Variants in PLXNA4 observed in about 807,000 individuals in gnomAD.
PLXNA4 encodes the protein plexin A4.
In PLXNA4, 44 loss-of-function variants were observed where a neutral mutation model predicts 191.8. That is an observed-to-expected ratio of 0.23 (90% CI 0.18 to 0.29). The LOEUF (loss-of-function observed/expected upper bound fraction) is 0.29. Ranked by LOEUF, PLXNA4 falls within the 10% of genes least tolerant of loss-of-function variation. The pLI is 1.00. For missense variants in PLXNA4, 1,800 were observed against 2,488.8 expected (o/e 0.72, Z 5.89); for synonymous variants, 1,082 against 1,009.5 (o/e 1.07, Z -1.36).
intron 3 of PLXNA4, among the ~76,000 whole-genome samples, chr7:132,386,215 C>T (rs909330459): frequency 2.6e-5 from 4 of 152,276 alleles, no homozygotes; most frequent in East Asian, 1.9e-4. Flanking sequence ...ATCCTGCCAG[C>T]CCTGTGTCCC....
chr7:132,552,273 C>T (rs1800596752), intron 1 of PLXNA4, among the ~76,000 whole-genome samples: 1 of 152,160 alleles, frequency 6.6e-6, no homozygotes, highest in East Asian at 1.9e-4. Flanking sequence ...GCCCTGACTC[C>T]TAGACCTTGT....
At chr7:132,297,041 G>A (rs973151614) in intron 4 of PLXNA4, among the ~76,000 whole-genome samples, 2 of 152,070 alleles carry the variant, frequency 1.3e-5, no homozygotes, top group Admixed American at 6.6e-5. Context: ...AAGGCATAAT[G>A]CACAAGCCCC....
intron 4 of PLXNA4, among the ~76,000 whole-genome samples, chr7:132,262,940 G>T (rs921076013): frequency 1.3e-5 from 2 of 152,152 alleles, no homozygotes; most frequent in African/African-American, 4.8e-5. Context: ...CTGGGGGCGG[G>T]AAGCCACAAA....
At chr7:132,641,151 ATGTAAC>A in intron 2 of PLXNA4, among the ~76,000 whole-genome samples, 1 of 152,240 alleles carries the variant, frequency 6.6e-6, no homozygotes, top group East Asian at 1.9e-4. Context: ...TTGCACACTA[ATGTAAC>A]TGTAACATAG....
chr7:132,514,057 T>C (rs1405093705), intron 1 of PLXNA4, among the ~76,000 whole-genome samples: 2 of 142,784 alleles, frequency 1.4e-5, no homozygotes, highest in Non-Finnish European at 3.1e-5. Context: ...TTGGTGAGAC[T>C]TTTTTTTTTT....
At chr7:132,307,691 C>T (rs1373436279) in intron 3 of PLXNA4, among the ~76,000 whole-genome samples, 1 of 152,194 alleles carries the variant, frequency 6.6e-6, no homozygotes, top group Non-Finnish European at 1.5e-5. Flanking sequence ...TTTGATGCCA[C>T]ATCCGTGCCT....
chr7:132,627,729 A>AT (rs1382937755), intron 2 of PLXNA4, among the ~76,000 whole-genome samples: 2 of 152,180 alleles, frequency 1.3e-5, no homozygotes, highest in Non-Finnish European at 2.9e-5. Context: ...CTTCCACCAT[A>AT]TGAGGACTCA....
intron 2 of PLXNA4, among the ~76,000 whole-genome samples, chr7:132,590,692 G>A (rs973341225): frequency 6.6e-6 from 1 of 152,128 alleles, no homozygotes; most frequent in Non-Finnish European, 1.5e-5. Flanking sequence ...TGGTACCCAC[G>A]CAGATTGAGG....
intron 1 of PLXNA4, among the ~76,000 whole-genome samples, chr7:132,575,594 G>A (rs1031936649): frequency 1.3e-5 from 2 of 152,184 alleles, no homozygotes; most frequent in African/African-American, 4.8e-5. Flanking sequence ...GGTGAGAGGG[G>A]ACCCAAGTCC....
chr7:132,371,211 T>C (rs182004430), intron 3 of PLXNA4, among the ~76,000 whole-genome samples: 10 of 152,062 alleles, frequency 6.6e-5, no homozygotes, highest in African/African-American at 1.7e-4. Context: ...AGGTTTTAAG[T>C]CCTTTGGCTC....
intron 1 of PLXNA4, among the ~76,000 whole-genome samples, chr7:132,528,233 G>T (rs1385537087): frequency 1.3e-5 from 2 of 152,162 alleles, no homozygotes; most frequent in Non-Finnish European, 2.9e-5. Context: ...CACCAGGAAG[G>T]TGAACTCCCA....
At chr7:132,285,212 A>T (rs1800639982) in intron 4 of PLXNA4, among the ~76,000 whole-genome samples, 1 of 152,196 alleles carries the variant, frequency 6.6e-6, no homozygotes, top group East Asian at 1.9e-4. Flanking sequence ...CATTTTGTCG[A>T]TGAAGAAACG....
intron 3 of PLXNA4, among the ~76,000 whole-genome samples, chr7:132,324,795 G>A (rs1360002902): frequency 2.0e-5 from 3 of 152,202 alleles, no homozygotes; most frequent in Non-Finnish European, 4.4e-5. Flanking sequence ...TTCTCTGGAT[G>A]CTGCAGAAAG....
intron 1 of PLXNA4, among the ~76,000 whole-genome samples, chr7:132,515,377 G>A (rs1269079998): frequency 3.3e-5 from 5 of 152,178 alleles, no homozygotes; most frequent in Admixed American, 3.3e-4. Context: ...GGTTACGCAA[G>A]TCAAAAAAAA....
chr7:132,378,606 G>T lies in PLXNA4; in HGVS notation c.1372-80384C>A, dbSNP rs142480256. 8.9e-4 allele frequency among the ~76,000 whole-genome samples: 135 copies of T among 152,256 alleles called. 3 individuals are homozygous for T. In the East Asian group the frequency reaches 0.025, roughly 29 times the overall value. Reference sequence around the variant, plus strand: ...AGAAGTTTCATGGATAGCAGGCATGGCAGATGATTAACTTCCTCCTGTCAT... The same window carrying T: ...AGAAGTTTCATGGATAGCAGGCATGTCAGATGATTAACTTCCTCCTGTCAT... On this transcript the variant is annotated intron_variant, in intron 3 of 31. Coordinates refer to ENST00000321063, the MANE Select transcript of PLXNA4 (RefSeq NM_020911.2).
rs1413442353 is a variant in PLXNA4 at position 132,454,634 on chromosome 7, G to C, written c.1371+34658C>G. Among the ~76,000 whole-genome samples the C allele has an allele frequency of 2.0e-5, 3 of 152,014 alleles. No individual in the cohort carries two copies. In the East Asian group the frequency reaches 5.8e-4, roughly 30 times the overall value. On this transcript the variant is annotated intron_variant, in intron 3 of 31. Coordinates refer to ENST00000321063, the MANE Select transcript of PLXNA4 (RefSeq NM_020911.2). ...TGAATGTGACTGTATTTGGAGATAG[G>C]GTCTTTAAAGAGGTCATTCAGTTAA...
intron 3 of PLXNA4, among the ~76,000 whole-genome samples, chr7:132,336,780 C>T (rs532905161): frequency 2.6e-5 from 4 of 152,380 alleles, no homozygotes; most frequent in African/African-American, 7.2e-5. Flanking sequence ...AACACTTGAG[C>T]AACTGGTTGC....
At chr7:132,377,062 C>T (rs73158817) in intron 3 of PLXNA4, among the ~76,000 whole-genome samples, 4,716 of 152,182 alleles carry the variant, frequency 0.031, 135 homozygotes, top group Non-Finnish European at 0.043. Flanking sequence ...AAAAGAAATC[C>T]TACACTAGAT....
intron 2 of PLXNA4, among the ~76,000 whole-genome samples, chr7:132,638,817 G>C (rs536533327): frequency 6.6e-6 from 1 of 152,252 alleles, no homozygotes; most frequent in East Asian, 1.9e-4. Flanking sequence ...AGCAAGACAT[G>C]CTCTGGTGTG....
Sources: gnomAD v4.1 joint callset for allele counts (sites outside exome capture counted in the v4.1 genomes callset) on GRCh38, gnomAD v4.1.1 for gene constraint, MANE v1.5 for transcripts, NCBI Gene and HGNC (gene_info 2026-07-23, HGNC 2026-07-21) for gene names.